COL19A1: variants seen among roughly 807,000 people sequenced by gnomAD.
COL19A1 encodes collagen alpha-1(XIX) chain.
COL19A1 carries 159 observed loss-of-function variants against 190.2 expected under a neutral mutation model. The observed-to-expected ratio is 0.84, with a 90% CI of 0.73 to 0.95. COL19A1 has a LOEUF of 0.95. COL19A1 is among the 40% of genes least tolerant of loss of function. COL19A1 has a pLI of 0.00. For synonymous variants in COL19A1, 509 were observed against 458.9 expected, an observed-to-expected ratio of 1.11 and a Z score of -1.39; for missense variants, 1,418 against 1,431.9, an observed-to-expected ratio of 0.99 and a Z score of 0.16.
chr6:69,992,113 G>T (rs1238868036), intron 11 of COL19A1, among the ~76,000 whole-genome samples: 1 of 152,078 alleles, frequency 6.6e-6, no homozygotes, highest in Non-Finnish European at 1.5e-5. Context: ...TCAATCTTCT[G>T]CATATGGCTA....
Position 69,977,235 on chromosome 6 carries a change from A to G in COL19A1, c.1026+14365A>G, listed in dbSNP as rs574599173. ...ACACCATGCAATACTATGCAGCCAT[A>G]AAAAATGATGAGTTCATGTCCTTTG... On this transcript the variant is annotated intron_variant, in intron 11 of 50. Transcript: ENST00000620364. Among the ~76,000 whole-genome samples the G allele has an allele frequency of 1.1e-4, 17 of 152,284 alleles. 1 individual carries two copies. In the East Asian group the frequency reaches 2.7e-3, roughly 24 times the overall value.
At chr6:70,138,100 A>G (rs1785984702) in intron 19 of COL19A1, among the ~76,000 whole-genome samples, 1 of 152,214 alleles carries the variant, frequency 6.6e-6, no homozygotes, top group Admixed American at 6.5e-5. Flanking sequence ...GTTTAAAATC[A>G]CAAAGCTCCT....
rs1770781053 is a variant in COL19A1, at chr6:69,909,660, C to A, written c.266+9322C>A. On this transcript the variant is annotated intron_variant, in intron 4 of 50. Coordinates refer to ENST00000620364, the MANE Select transcript of COL19A1 (RefSeq NM_001858.6). ...AATTTCTATATGAGTAAAACATTGA[C>A]AACCCAATTTATCCATATCCAAGGT... 2.0e-5 allele frequency among the ~76,000 whole-genome samples: 3 copies of A among 152,150 alleles called. No individual in the cohort carries two copies. The South Asian group carries it at 6.2e-4, about 32-fold the overall frequency.
At chr6:70,008,307 G>GA (rs1373073106) in intron 11 of COL19A1, among the ~76,000 whole-genome samples, 51 of 149,088 alleles carry the variant, frequency 3.4e-4, no homozygotes, top group Non-Finnish European at 6.7e-4. Context: ...GACTGATCAG[G>GA]AAAAAAAAAG....
intron 1 of COL19A1, among the ~76,000 whole-genome samples, chr6:69,878,044 A>G (rs1768250541): frequency 6.6e-6 from 1 of 151,994 alleles, no homozygotes; most frequent in Admixed American, 6.6e-5. Flanking sequence ...GGCAAAGGGC[A>G]AAGGAGTTGA....
intron 9 of COL19A1, 127 bp from the exon 10 acceptor site, chr6:69,959,869 C>T (rs1386092685): frequency 1.5e-6 from 1 of 685,164 alleles, no homozygotes; most frequent in East Asian, 3.0e-5. Flanking sequence ...AGTCCCTATG[C>T]ATGATAGATA....
chr6:70,149,680 T>C, intron 27 of COL19A1, 24 bp from the exon 28 acceptor site: 1 of 1,611,476 alleles, frequency 6.2e-7, no homozygotes, highest in Non-Finnish European at 8.5e-7. Flanking sequence ...GGAATTTTAA[T>C]AATAAAATCT....
At chr6:70,170,470 T>C (rs2150271981) in intron 40 of COL19A1, among the ~76,000 whole-genome samples, 1 of 152,320 alleles carries the variant, frequency 6.6e-6, no homozygotes, top group South Asian at 2.1e-4. Context: ...TACCCTTAAT[T>C]GAATTTATTA....
chr6:70,139,924 CT>C (rs56675325), intron 19 of COL19A1, among the ~76,000 whole-genome samples: 112 of 143,782 alleles, frequency 7.8e-4, no homozygotes, highest in Middle Eastern at 3.6e-3. Flanking sequence ...GGGTTTTTCT[CT>C]TTTTTTTTTT....
At chr6:69,886,127 C>T (rs1411913574) in intron 2 of COL19A1, among the ~76,000 whole-genome samples, 1 of 152,034 alleles carries the variant, frequency 6.6e-6, no homozygotes, top group African/African-American at 2.4e-5. Flanking sequence ...TTTTAAAACT[C>T]AATATCAGTA....
At chr6:69,930,705 C>A (rs1772703195) in intron 6 of COL19A1, among the ~76,000 whole-genome samples, 1 of 152,086 alleles carries the variant, frequency 6.6e-6, no homozygotes. Context: ...GTAATCCCAG[C>A]TACTCGGGAG....
At chr6:70,079,625 A>C (rs946015959) in intron 15 of COL19A1, among the ~76,000 whole-genome samples, 1 of 152,210 alleles carries the variant, frequency 6.6e-6, no homozygotes, top group Admixed American at 6.5e-5. Context: ...AATTCTTCAG[A>C]GGTATCGGAG....
At chr6:70,060,582 T>C (rs1780772107) in intron 14 of COL19A1, among the ~76,000 whole-genome samples, 1 of 152,046 alleles carries the variant, frequency 6.6e-6, no homozygotes, top group Admixed American at 6.6e-5. Flanking sequence ...ATGAACCCTA[T>C]TGTGAACTGT....
intron 42 of COL19A1, among the ~76,000 whole-genome samples, chr6:70,179,887 T>C (rs897405734): frequency 6.6e-6 from 1 of 152,108 alleles, no homozygotes; most frequent in Non-Finnish European, 1.5e-5. Flanking sequence ...TATTTATTTA[T>C]TTATTTATTT....
intron 1 of COL19A1, among the ~76,000 whole-genome samples, chr6:69,878,846 T>C (rs1189877181): frequency 2.0e-5 from 3 of 152,146 alleles, no homozygotes; most frequent in Non-Finnish European, 4.4e-5. Flanking sequence ...GGTATATACA[T>C]ACAATGAAAT....
intron 34 of COL19A1, among the ~76,000 whole-genome samples, chr6:70,161,254 C>A (rs1409628499): frequency 6.6e-6 from 1 of 152,110 alleles, no homozygotes; most frequent in Non-Finnish European, 1.5e-5. Flanking sequence ...TCCATTTTTC[C>A]CTAGCTGAAT....
At position 69,937,059 on chromosome 6, in the gene COL19A1, G is replaced by A. The variant is rs888547414; in HGVS notation, c.873+149G>A. On this transcript the variant is annotated intron_variant, in intron 8 of 50. Transcript: ENST00000620364. ...GTTACTGGGGTGGGTTAAGAAAAAG[G>A]CATTGAAGATAGGACTTCCTGGATT... is the stretch of plus-strand genomic sequence containing the variant. 4.4e-6 allele frequency: 5 copies of A among 1,127,726 alleles called. No individual in the cohort carries two copies. In the South Asian group the frequency reaches 8.2e-5, roughly 18 times the overall value. 69.9% of individuals were successfully genotyped at this position (1,127,726 alleles called of 1,614,324 possible). A position where few individuals can be genotyped will look rare whatever the true frequency, so the allele number is the denominator to read the frequency against.
intron 14 of COL19A1, among the ~76,000 whole-genome samples, chr6:70,045,333 A>C (rs1779852309): frequency 6.6e-6 from 1 of 151,580 alleles, no homozygotes; most frequent in Admixed American, 6.6e-5. Flanking sequence ...AAAAAAAAAA[A>C]AACTTTCTCC....
At chr6:70,162,596 A>G (rs982186811) in intron 35 of COL19A1, among the ~76,000 whole-genome samples, 21 of 152,230 alleles carry the variant, frequency 1.4e-4, no homozygotes, top group African/African-American at 4.6e-4. Context: ...ATTGTTTAAT[A>G]TAAGTTCATC....
Sources: gnomAD v4.1 joint callset for allele counts (sites outside exome capture counted in the v4.1 genomes callset) on GRCh38, gnomAD v4.1.1 for gene constraint, MANE v1.5 for transcripts, NCBI Gene and HGNC (gene_info 2026-07-23, HGNC 2026-07-21) for gene names.